Variants in ACLY observed in about 807,000 individuals in gnomAD.
ACLY encodes ATP citrate lyase, also known as ATP-citrate synthase.
ACLY carries 41 observed loss-of-function variants against 133.0 expected under a neutral mutation model. That is an observed-to-expected ratio of 0.31 (90% CI 0.24 to 0.40). The LOEUF (loss-of-function observed/expected upper bound fraction) is 0.40. Among genes scored for constraint, ACLY ranks in the 10% least tolerant of loss-of-function variants. The pLI is 1.00. For missense variants in ACLY, 1,046 were observed against 1,453.8 expected (o/e 0.72, Z 4.56); for synonymous variants, 495 against 549.3 (o/e 0.90, Z 1.38).
chr17:41,927,451 G>T (rs2050257053), intron 1 of ACLY, among the ~76,000 whole-genome samples: 1 of 152,184 alleles, frequency 6.6e-6, no homozygotes. Context: ...CTCCCAAAGT[G>T]CTGGGATTAC....
chr17:41,907,650 C>A (rs1555632925), intron 6 of ACLY, 78 bp from the exon 7 acceptor site: 2 of 1,541,488 alleles, frequency 1.3e-6, no homozygotes, highest in East Asian at 2.3e-5. Flanking sequence ...CCTCCACAAA[C>A]ACCGATCCCA....
At chr17:41,874,580 T>G (rs1421268023) in intron 22 of ACLY, among the ~76,000 whole-genome samples, 2 of 150,758 alleles carry the variant, frequency 1.3e-5, no homozygotes, top group Non-Finnish European at 3.0e-5. Flanking sequence ...GCTTCTTTTT[T>G]TTTTTTTTTT....
intron 1 of ACLY, among the ~76,000 whole-genome samples, chr17:41,916,082 C>T (rs2050043525): frequency 6.6e-6 from 1 of 152,000 alleles, no homozygotes; most frequent in South Asian, 2.1e-4. Flanking sequence ...TTCTTGAGAC[C>T]CAGATCAAAT....
chr17:41,892,024 C>G (rs544250273), intron 16 of ACLY, among the ~76,000 whole-genome samples: 1 of 152,276 alleles, frequency 6.6e-6, no homozygotes, highest in East Asian at 1.9e-4. Flanking sequence ...TTTGTAAGCC[C>G]AGATAAGCAG....
intron 5 of ACLY, 144 bp downstream of exon 5, chr17:41,909,366 C>A: frequency 1.1e-6 from 1 of 875,614 alleles, no homozygotes; most frequent in East Asian, 2.6e-5. Flanking sequence ...CCCCGCCCTG[C>A]ACCCAGCTGT....
At chr17:41,916,760 C>T (rs2050063002) in intron 1 of ACLY, among the ~76,000 whole-genome samples, 1 of 152,112 alleles carries the variant, frequency 6.6e-6, no homozygotes, top group Non-Finnish European at 1.5e-5. Flanking sequence ...AAAAAAACCC[C>T]AGAAAAAGGT....
At chr17:41,896,511 C>T (rs1293790329) in intron 14 of ACLY, 109 bp downstream of exon 14, 19 of 1,007,772 alleles carry the variant, frequency 1.9e-5, no homozygotes, top group Non-Finnish European at 2.6e-5. Context: ...AGAAAATAGA[C>T]CAGACGACAC....
In ACLY at chr17:41,893,033, G is replaced by A. The variant is rs1555629640; in HGVS notation, c.1601C>T (p.Thr534Ile). Residue 534 changes from threonine to isoleucine, a missense_variant and splice_region_variant, in exon 15 of 29, where the codon ACT becomes ATT. Physicochemically the swap from Thr to Ile is moderately conservative, Grantham distance 89. Around this residue, in one of 4 missense-constraint regions of ACLY, gnomAD observed 575 missense variants for 804.2 expected, o/e 0.71. Transcript: ENST00000352035. The stretch of plus-strand genomic sequence containing the variant: ...TATTTCCCGCCATGGGGTAACTCAC[G>A]TGAAAGGGTAGACCATGGCAGCCAC... ...PSVAAMVYPF[T>I]GDHKQKFYWG... is the part of the protein sequence containing the mutation. 4 of 1,612,616 alleles carry A rather than the reference G, an allele frequency of 2.5e-6. No homozygotes were observed. The highest frequency in any genetic ancestry group is 1.7e-5 in the Admixed American group (1 of 59,870).
intron 28 of ACLY, 139 bp from the exon 29 acceptor site, chr17:41,868,043 T>C (rs2048506626): frequency 6.1e-6 from 3 of 493,450 alleles, no homozygotes; most frequent in Admixed American, 3.7e-5. Flanking sequence ...ATCCACTGTA[T>C]AGGTAGATGA....
intron 11 of ACLY, among the ~76,000 whole-genome samples, chr17:41,899,664 T>C (rs1382290368): frequency 1.3e-5 from 2 of 152,134 alleles, no homozygotes; most frequent in African/African-American, 4.8e-5. Context: ...TGTGGAATGT[T>C]CTAATTTTAA....
chr17:41,893,775 C>A (rs1219888757), intron 14 of ACLY, among the ~76,000 whole-genome samples: 1 of 152,188 alleles, frequency 6.6e-6, no homozygotes, highest in Non-Finnish European at 1.5e-5. Flanking sequence ...CAGGGCTCTG[C>A]ACAAGGCAGG....
chr17:41,903,551 G>A (rs2049597046), intron 10 of ACLY, among the ~76,000 whole-genome samples: 1 of 151,824 alleles, frequency 6.6e-6, no homozygotes, highest in East Asian at 1.9e-4. Flanking sequence ...TCAGGAGGTC[G>A]AGACCATCCT....
chr17:41,909,367 A>G, intron 5 of ACLY, 143 bp downstream of exon 5: 2 of 883,308 alleles, frequency 2.3e-6, no homozygotes, highest in East Asian at 5.1e-5. Flanking sequence ...CCCGCCCTGC[A>G]CCCAGCTGTC....
upstream of ACLY, among the ~76,000 whole-genome samples, chr17:41,920,111 A>G (rs1287067528): frequency 2.0e-5 from 3 of 152,244 alleles, no homozygotes; most frequent in African/African-American, 7.2e-5. Context: ...TCACACTGCA[A>G]CAGTGTTGCG....
At chr17:41,900,113 C>CACTTTG (rs2049493548) in intron 11 of ACLY, among the ~76,000 whole-genome samples, 1 of 129,680 alleles carries the variant, frequency 7.7e-6, no homozygotes, top group African/African-American at 2.8e-5. Context: ...ATAATCTCAG[C>CACTTTG]ACTTTGGGAG....
rs1188693320 is a variant in ACLY, at chr17:41,881,496, A to AG, written c.2265+1625_2265+1626insC. Among the ~76,000 whole-genome samples, 3 of 152,096 alleles carry AG rather than the reference A, an allele frequency of 2.0e-5. No homozygotes were observed. The East Asian group carries it at 5.8e-4, about 29-fold the overall frequency. ...CGGACTGACAAGGCATGGGAAAAAA[A>AG]AGAAGTTTCTAAGACCTATGCACGC... On this transcript the variant is annotated intron_variant, in intron 20 of 28. Coordinates refer to ENST00000352035, the MANE Select transcript of ACLY (RefSeq NM_001096.3).
In ACLY at chr17:41,910,424, G is replaced by A. The variant is rs1258740613; in HGVS notation, c.283-140C>T. On this transcript the variant is annotated intron_variant, in intron 3 of 28. Coordinates refer to ENST00000352035, the MANE Select transcript of ACLY (RefSeq NM_001096.3). ...AAGAGAGATTTTTCCAGAAAAAATG[G>A]GGTCACAGATCCCTAAGCTCAGTAA... 4 of 696,010 alleles carry A rather than the reference G, an allele frequency of 5.7e-6. No individual in the cohort carries two copies. The African/African-American group carries it at 7.2e-5, about 12-fold the overall frequency. The allele number at this position is 696,010 out of a possible 1,614,324, so 43.1% of individuals were successfully genotyped here. A position where few individuals can be genotyped will look rare whatever the true frequency, so the allele number is the denominator to read the frequency against.
At chr17:41,921,489 A>C (rs545074292), upstream of ACLY, among the ~76,000 whole-genome samples, 27 of 150,408 alleles carry the variant, frequency 1.8e-4, no homozygotes, top group South Asian at 4.2e-4. Flanking sequence ...GAAAAAAAAA[A>C]AAAAAACAAA....
At chr17:41,896,830 G>A (rs1363379225) in intron 13 of ACLY, among the ~76,000 whole-genome samples, 181 bp from the exon 14 acceptor site, 11 of 152,302 alleles carry the variant, frequency 7.2e-5, no homozygotes, top group African/African-American at 1.9e-4. Context: ...TGAAAGCACC[G>A]ATGAGCAGAA....
Sources: gnomAD v4.1 joint callset for allele counts (sites outside exome capture counted in the v4.1 genomes callset) on GRCh38, gnomAD v4.1.1 for gene constraint, gnomAD v4.1.1 regional missense constraint, MANE v1.5 for transcripts, NCBI Gene and HGNC (gene_info 2026-07-23, HGNC 2026-07-21) for gene names.